LARGE1: variants seen among roughly 807,000 people sequenced by gnomAD.
LARGE1 encodes LARGE xylosyl- and glucuronyltransferase 1, also known as xylosyl- and glucuronyltransferase LARGE1.
A neutral mutation model predicts 87.6 loss-of-function variants in LARGE1; 43 were observed. The ratio of observed to expected loss-of-function variants is 0.49; its 90% CI spans 0.38 to 0.63. The LOEUF is 0.63. Ranked by LOEUF, LARGE1 falls within the 30% of genes least tolerant of loss-of-function variation. LARGE1 has a pLI of 0.00. For missense variants in LARGE1, 802 were observed against 1,000.2 expected (o/e 0.80, Z 2.67); for synonymous variants, 434 against 394.6 (o/e 1.10, Z -1.18).
chr22:33,443,351 G>C (rs1049851861), intron 6 of LARGE1, among the ~76,000 whole-genome samples: 1 of 152,142 alleles, frequency 6.6e-6, no homozygotes, highest in Non-Finnish European at 1.5e-5. Flanking sequence ...CATCACCATG[G>C]GGTAGACTCT....
intron 2 of LARGE1, among the ~76,000 whole-genome samples, chr22:33,655,543 T>G (rs1384931093): frequency 6.6e-6 from 1 of 152,176 alleles, no homozygotes; most frequent in African/African-American, 2.4e-5. Context: ...TTGGAACTTG[T>G]CAGCTTCCAT....
At chr22:33,383,202 A>G (rs1424931893) in intron 8 of LARGE1, among the ~76,000 whole-genome samples, 1 of 152,212 alleles carries the variant, frequency 6.6e-6, no homozygotes, top group Non-Finnish European at 1.5e-5. Flanking sequence ...TGGTAGACTC[A>G]AAGTCAGACT....
At chr22:33,855,668 C>T (rs532902676) in intron 1 of LARGE1, among the ~76,000 whole-genome samples, 1 of 152,264 alleles carries the variant, frequency 6.6e-6, no homozygotes, top group South Asian at 2.1e-4. Context: ...AGCCCTCTGC[C>T]CCCAGGAACC....
chr22:33,797,134 C>T (rs1049364377), intron 1 of LARGE1, among the ~76,000 whole-genome samples: 3 of 152,064 alleles, frequency 2.0e-5, no homozygotes, highest in Admixed American at 6.6e-5. Context: ...CAAAGAACAT[C>T]AGGGACAGAA....
chr22:33,743,682 T>C (rs746216985), intron 2 of LARGE1, among the ~76,000 whole-genome samples: 12 of 152,232 alleles, frequency 7.9e-5, no homozygotes, highest in Admixed American at 2.0e-4. Context: ...CTCTTCGATC[T>C]GACCTCCACC....
chr22:33,277,869 T>C (rs763129886), intron 13 of LARGE1, among the ~76,000 whole-genome samples: 4 of 152,206 alleles, frequency 2.6e-5, no homozygotes, highest in Admixed American at 6.5e-5. Flanking sequence ...GGGCTCCATG[T>C]CATTTCTCAG....
At chr22:33,114,827 A>G in the LARGE1 span, among the ~76,000 whole-genome samples, 19 of 152,238 alleles carry the variant, frequency 1.2e-4, no homozygotes, top group African/African-American at 3.9e-4. Context: ...TAAGGCACTT[A>G]GAACAGAATC....
chr22:33,772,659 A>G (rs2085106913), intron 1 of LARGE1, among the ~76,000 whole-genome samples: 1 of 152,064 alleles, frequency 6.6e-6, no homozygotes, highest in Non-Finnish European at 1.5e-5. Flanking sequence ...AACTTTGTCT[A>G]TCACCGTGCT....
chr22:33,917,543 C>T (rs868057581), intron 1 of LARGE1, among the ~76,000 whole-genome samples: 1 of 152,104 alleles, frequency 6.6e-6, no homozygotes, highest in Non-Finnish European at 1.5e-5. Flanking sequence ...CATTTTGAAG[C>T]CATGTGATTT....
intron 1 of LARGE1, among the ~76,000 whole-genome samples, chr22:33,820,230 A>G (rs1472406863): frequency 1.3e-5 from 2 of 152,114 alleles, no homozygotes; most frequent in African/African-American, 4.8e-5. Context: ...CCCATATAAG[A>G]TCTGACATAA....
intron 1 of LARGE1, among the ~76,000 whole-genome samples, chr22:33,857,405 G>T (rs1002048): frequency 0.82 from 124,381 of 152,198 alleles, 50,920 homozygotes; most frequent in South Asian, 0.88. Context: ...CCACTGGACA[G>T]GCAACGGCAA....
At position 33,446,430 on chromosome 22, in the gene LARGE1, G is replaced by A. The variant is rs560730078; in HGVS notation, c.788-14165C>T. ...TGGGGCCCCACTATGTGTGGCTGGC[G>A]TCTGAAGTGATGGTGGTTTTGTGGG... On this transcript the variant is annotated intron_variant, in intron 6 of 14. Coordinates refer to ENST00000397394, the MANE Select transcript of LARGE1 (RefSeq NM_133642.5). Among the ~76,000 whole-genome samples, 16 of 152,328 alleles carry A rather than the reference G, an allele frequency of 1.1e-4. 1 individual carries two copies. The East Asian group carries it at 1.9e-3, about 18-fold the overall frequency.
At chr22:33,322,895 G>A (rs1936885737) in intron 10 of LARGE1, 1 of 152,296 alleles carries the variant, frequency 6.6e-6, no homozygotes, top group African/African-American at 2.4e-5. Flanking sequence ...GGCGAAGGAA[G>A]GCGGATCATG....
chr22:33,130,893 C>T, the LARGE1 span, among the ~76,000 whole-genome samples: 242 of 151,982 alleles, frequency 1.6e-3, no homozygotes, highest in African/African-American at 5.7e-3. Flanking sequence ...ATTAGCCGGG[C>T]GTGGTGGCAG....
intron 3 of LARGE1, among the ~76,000 whole-genome samples, chr22:33,639,239 A>T (rs953227525): frequency 6.6e-6 from 1 of 152,202 alleles, no homozygotes; most frequent in Non-Finnish European, 1.5e-5. Context: ...TGAGTCTAAA[A>T]GAAAGGGAGG....
intron 2 of LARGE1, among the ~76,000 whole-genome samples, chr22:33,690,887 A>T (rs577443608): frequency 6.6e-6 from 1 of 151,732 alleles, no homozygotes; most frequent in South Asian, 2.1e-4. Context: ...TCCATCCATC[A>T]CCCTCCTGGT....
chr22:33,217,238 CAA>C (rs137458), intron 11 of LARGE1, among the ~76,000 whole-genome samples: 182 of 131,116 alleles, frequency 1.4e-3, no homozygotes, highest in African/African-American at 2.5e-3. Context: ...TATCTAACAG[CAA>C]AAAAAAAAAA....
intron 9 of LARGE1, among the ~76,000 whole-genome samples, chr22:33,370,284 A>G (rs2064759635): frequency 1.3e-5 from 2 of 152,178 alleles, no homozygotes; most frequent in South Asian, 4.1e-4. Flanking sequence ...CCCCATAACC[A>G]TTGACTAGCA....
intron 1 of LARGE1, among the ~76,000 whole-genome samples, chr22:33,887,196 C>A (rs2064876724): frequency 1.3e-5 from 2 of 152,168 alleles, no homozygotes; most frequent in Admixed American, 6.5e-5. Flanking sequence ...TCCTAACCCG[C>A]AATGTGATGG....
Sources: allele counts gnomAD v4.1 joint callset (sites outside exome capture counted in the v4.1 genomes callset), GRCh38; gene constraint gnomAD v4.1.1; transcripts MANE v1.5; gene names NCBI Gene and HGNC (gene_info 2026-07-23, HGNC 2026-07-21).